TMEM178B: variants seen among roughly 807,000 people sequenced by gnomAD.
TMEM178B encodes the protein transmembrane protein 178B.
In TMEM178B, 5 loss-of-function variants were observed where a neutral mutation model predicts 31.0. That is an observed-to-expected ratio of 0.16 (90% CI 0.08 to 0.34). The LOEUF is 0.34. Ranked by LOEUF, TMEM178B falls within the 10% of genes least tolerant of loss-of-function variation. TMEM178B has a pLI of 1.00. For synonymous variants in TMEM178B, 164 were observed against 164.0 expected, an observed-to-expected ratio of 1.00 and a Z score of 0.00; for missense variants, 275 against 400.3, an observed-to-expected ratio of 0.69 and a Z score of 2.67.
chr7:141,401,027 T>C lies in TMEM178B; in HGVS notation c.497-36581T>C, dbSNP rs570197223. On this transcript the variant is annotated intron_variant, in intron 2 of 3. Transcript: ENST00000565468. ...GCACTTATCAGGGGCAATAAAAGTG[T>C]GGGCCAGTGGTCATTAAAGGTCCAA... Among the ~76,000 whole-genome samples, 12 of 152,296 alleles carry C rather than the reference T, an allele frequency of 7.9e-5. No homozygotes were observed. In the East Asian group the frequency reaches 2.1e-3, roughly 27 times the overall value.
chr7:141,458,128 T>C (rs1349812151), intron 3 of TMEM178B, among the ~76,000 whole-genome samples: 1 of 152,178 alleles, frequency 6.6e-6, no homozygotes, highest in Admixed American at 6.5e-5. Context: ...TTGTTTGTTG[T>C]TTATTGTTTG....
chr7:141,262,583 C>T lies in TMEM178B; in HGVS notation c.496+49879C>T, dbSNP rs570061090. ...TGGAAAACTTGAAAAAAAAACTTGACAGCATTTCTATGATTCAGCTGGCAA... is the reference window on the plus strand; with the variant it reads ...TGGAAAACTTGAAAAAAAAACTTGATAGCATTTCTATGATTCAGCTGGCAA... On this transcript the variant is annotated intron_variant, in intron 2 of 3. Coordinates refer to ENST00000565468, the MANE Select transcript of TMEM178B (RefSeq NM_001195278.2). 6.4e-4 allele frequency among the ~76,000 whole-genome samples: 96 copies of T among 150,732 alleles called. 1 individual carries two copies. In the South Asian group the frequency reaches 0.017, roughly 27 times the overall value.
intron 1 of TMEM178B, among the ~76,000 whole-genome samples, chr7:141,182,826 ATGTGCCTT>A (rs1462777513): frequency 6.6e-6 from 1 of 152,148 alleles, no homozygotes; most frequent in Non-Finnish European, 1.5e-5. Flanking sequence ...GCCACGTAAG[ATGTGCCTT>A]TGCTTCTCCT....
At chr7:141,242,163 T>C (rs1797633300) in intron 2 of TMEM178B, among the ~76,000 whole-genome samples, 1 of 152,236 alleles carries the variant, frequency 6.6e-6, no homozygotes, top group South Asian at 2.1e-4. Context: ...TGAAATAAGA[T>C]TAACTTTGAA....
intron 2 of TMEM178B, among the ~76,000 whole-genome samples, chr7:141,343,215 C>G (rs921348351): frequency 3.3e-5 from 5 of 152,060 alleles, no homozygotes; most frequent in Admixed American, 2.6e-4. Flanking sequence ...TACCACTCGC[C>G]CTTGCATTGC....
chr7:141,276,717 T>C lies in TMEM178B; in HGVS notation c.496+64013T>C, dbSNP rs564062975. On this transcript the variant is annotated intron_variant, in intron 2 of 3. Transcript: ENST00000565468. ...CACAGCCAAACCATATCAGTGTTGT[T>C]AGGTGATTTTGCCGTTATGCAAATA... is the stretch of plus-strand genomic sequence containing the variant. 5.3e-4 allele frequency among the ~76,000 whole-genome samples: 81 copies of C among 152,204 alleles called. 1 individual carries two copies. The South Asian group carries it at 0.016, about 31-fold the overall frequency.
intron 1 of TMEM178B, among the ~76,000 whole-genome samples, chr7:141,191,461 C>T (rs964256851): frequency 2.0e-5 from 3 of 152,200 alleles, no homozygotes; most frequent in African/African-American, 7.2e-5. Flanking sequence ...ATGAAATTTA[C>T]ACTCCAACGG....
At chr7:141,281,221 G>C (rs1798353762) in intron 2 of TMEM178B, among the ~76,000 whole-genome samples, 1 of 152,114 alleles carries the variant, frequency 6.6e-6, no homozygotes, top group South Asian at 2.1e-4. Flanking sequence ...GAATAAAAAT[G>C]AATTAAAAAG....
intron 2 of TMEM178B, among the ~76,000 whole-genome samples, chr7:141,251,333 G>T (rs1011628876): frequency 6.6e-6 from 1 of 151,984 alleles, no homozygotes; most frequent in Non-Finnish European, 1.5e-5. Flanking sequence ...CCTGGGCAGT[G>T]CATTACAGAC....
At chr7:141,390,550 A>G (rs1178076278) in intron 2 of TMEM178B, among the ~76,000 whole-genome samples, 1 of 152,204 alleles carries the variant, frequency 6.6e-6, no homozygotes, top group African/African-American at 2.4e-5. Context: ...CTGGTATCCC[A>G]GTGGGGTTTG....
chr7:141,205,429 C>T (rs1314751028), intron 1 of TMEM178B, among the ~76,000 whole-genome samples: 1 of 152,180 alleles, frequency 6.6e-6, no homozygotes, highest in Admixed American at 6.5e-5. Context: ...GCCCAGGTGC[C>T]GTTGTGAGTA....
At chr7:141,429,308 T>TACACAC (rs3039921) in intron 2 of TMEM178B, among the ~76,000 whole-genome samples, 6,966 of 149,676 alleles carry the variant, frequency 0.047, 201 homozygotes, top group Middle Eastern at 0.086. Context: ...GAAAATGTAA[T>TACACAC]ACACACACAC....
chr7:141,215,782 CTTT>C (rs201379466), intron 2 of TMEM178B, among the ~76,000 whole-genome samples: 2,117 of 41,226 alleles, frequency 0.051, 75 homozygotes, highest in East Asian at 0.21. Context: ...ACTTTCCTTT[CTTT>C]CTTTCTTTCT....
chr7:141,466,795 C>T lies in TMEM178B; in HGVS notation c.635-3741C>T, dbSNP rs114690439. ...GAACTTGAACTCACCTCACTGCCCCCGCTTTCTGTCCTAAATCTAAATTTT... is the reference window on the plus strand; with the variant it reads ...GAACTTGAACTCACCTCACTGCCCCTGCTTTCTGTCCTAAATCTAAATTTT... On this transcript the variant is annotated intron_variant, in intron 3 of 3. Transcript: ENST00000565468. Among the ~76,000 whole-genome samples the T allele has an allele frequency of 6.3e-3, 956 of 152,274 alleles. 15 individuals carry two copies. The highest frequency in any genetic ancestry group is 0.022 in the African/African-American group (913 of 41,546).
chr7:141,227,144 GAC>G lies in TMEM178B; in HGVS notation c.496+14444_496+14445del, dbSNP rs575810046. Among the ~76,000 whole-genome samples the G allele has an allele frequency of 7.2e-4, 110 of 152,338 alleles. 1 individual carries two copies. The highest frequency in any genetic ancestry group is 2.4e-3 in the African/African-American group (101 of 41,582). On this transcript the variant is annotated intron_variant, in intron 2 of 3. Transcript: ENST00000565468. ...AGTCTCCCAGGGAACACAGAGCAGT[GAC>G]ACAGACTCAGGACGGCAGAGGCCGG...
At chr7:141,081,005 A>G (rs1410556565) in intron 1 of TMEM178B, among the ~76,000 whole-genome samples, 1 of 152,190 alleles carries the variant, frequency 6.6e-6, no homozygotes, top group Non-Finnish European at 1.5e-5. Context: ...ACTGGTTTAT[A>G]TATTTACTAT....
At chr7:141,244,974 C>T (rs1056562067) in intron 2 of TMEM178B, among the ~76,000 whole-genome samples, 1 of 151,284 alleles carries the variant, frequency 6.6e-6, no homozygotes, top group Admixed American at 6.6e-5. Flanking sequence ...CCCATCTCTA[C>T]TAAAAATACA....
intron 2 of TMEM178B, among the ~76,000 whole-genome samples, chr7:141,225,394 T>C (rs1435640326): frequency 6.6e-6 from 1 of 151,770 alleles, no homozygotes; most frequent in Non-Finnish European, 1.5e-5. Context: ...TTCTCAGTTT[T>C]TCTTTTTCAT....
chr7:141,424,064 C>T (rs1294031651), intron 2 of TMEM178B, among the ~76,000 whole-genome samples: 1 of 151,876 alleles, frequency 6.6e-6, no homozygotes, highest in Non-Finnish European at 1.5e-5. Context: ...ATGATCCACC[C>T]ACCTTGGCCT....
Sources: gnomAD v4.1 joint callset for allele counts (sites outside exome capture counted in the v4.1 genomes callset) on GRCh38, gnomAD v4.1.1 for gene constraint, MANE v1.5 for transcripts, NCBI Gene and HGNC (gene_info 2026-07-23, HGNC 2026-07-21) for gene names.